The following IL17RA variants were observed in gnomAD, a reference collection of about 807,000 sequenced individuals.
IL17RA encodes interleukin-17 receptor A.
Under a neutral mutation model 50.4 loss-of-function variants are expected in IL17RA, and 34 were observed. That is an observed-to-expected ratio of 0.67 (90% CI 0.51 to 0.90). The LOEUF (loss-of-function observed/expected upper bound fraction) is 0.90. Ranked by LOEUF, IL17RA falls within the 40% of genes least tolerant of loss-of-function variation. The pLI, the probability that IL17RA is intolerant of heterozygous loss-of-function variation, is 0.00. For missense variants in IL17RA, 1,276 were observed against 1,169.8 expected (o/e 1.09, Z -1.32); for synonymous variants, 585 against 510.4 (o/e 1.15, Z -1.97).
rs770597137 is a variant in IL17RA, at chr22:17,108,694, G to A, written c.1475G>A (p.Arg492Lys). ...AMNMILPDFK[R>K]PACFGTYVVC... ...AACATGATCCTCCCGGACTTCAAGA[G>A]GCCAGCCTGCTTCGGCACCTACGTA... The change falls in exon 13 of 13, where the codon AGG becomes AAG. Residue 492 changes from arginine (R) to lysine (K), a missense_variant. Arg to Lys is a conservative substitution (Grantham distance 26). Transcript: ENST00000319363. 7.8e-5 allele frequency: 126 copies of A among 1,609,410 alleles called. No homozygotes were observed. Among genetic ancestry groups the A allele is most frequent in the Non-Finnish European group, 3.3e-5 (39 of 1,179,890 alleles).
In IL17RA at chr22:17,109,221, C is replaced by G; in HGVS notation, c.2002C>G (p.Leu668Val). ...GQPAPQPLHT[L>V]VLAAEEGALV... is the part of the protein sequence containing the mutation. ...GCCAGCGCCGCAGCCCCTCCACACC[C>G]TGGTGCTCGCCGCAGAGGAGGGGGC... The change falls in exon 13 of 13, where the codon CTG becomes GTG. Residue 668 changes from leucine (L) to valine (V), a missense_variant. Coordinates refer to ENST00000319363, the MANE Select transcript of IL17RA (RefSeq NM_014339.7). 6.7e-7 allele frequency: 1 copy of G among 1,497,370 alleles called. No individual in the cohort carries two copies. The highest frequency in any genetic ancestry group is 1.3e-5 in the South Asian group (1 of 76,920). 92.8% of individuals were successfully genotyped at this position (1,497,370 alleles called of 1,614,324 possible). A position where few individuals can be genotyped will look rare whatever the true frequency, so the allele number is the denominator to read the frequency against.
intron 7 of IL17RA, among the ~76,000 whole-genome samples, chr22:17,102,768 T>C (rs974215929): frequency 2.0e-5 from 3 of 151,976 alleles, no homozygotes; most frequent in African/African-American, 7.3e-5. Context: ...ATGGCACCAC[T>C]GCACCCACTC....
intron 5 of IL17RA, 80 bp downstream of exon 5, chr22:17,100,561 C>A: frequency 6.4e-7 from 1 of 1,554,686 alleles, no homozygotes; most frequent in Non-Finnish European, 8.8e-7. Flanking sequence ...ATGCCAGCCC[C>A]CCTGCTCAGC....
At position 17,102,293 on chromosome 22, in the gene IL17RA, C is replaced by T. The variant is rs1297520689; in HGVS notation, c.753C>T (p.His251=). ...ACAGTTGCTTTGAGCACATGCACCA[C>T]ATACCTGCGGTAACTCTGCTCTTTT... ...ENHSCFEHMH[H]IPAPRPEEFH... The change falls in exon 7 of 13, where the codon CAC becomes CAT. Residue 251 remains histidine (H), a synonymous_variant. Coordinates refer to ENST00000319363, the MANE Select transcript of IL17RA (RefSeq NM_014339.7). 5 of 1,614,214 alleles carry T rather than the reference C, an allele frequency of 3.1e-6. No homozygotes were observed. The South Asian group carries it at 4.4e-5, about 14-fold the overall frequency.
At chr22:17,093,355 C>T (rs893855133) in intron 1 of IL17RA, among the ~76,000 whole-genome samples, 3 of 152,004 alleles carry the variant, frequency 2.0e-5, no homozygotes, top group Non-Finnish European at 2.9e-5. Context: ...GATCAGAGCA[C>T]GGAAAGAGAG....
chr22:17,102,049 A>G lies in IL17RA; in HGVS notation c.598+6A>G, dbSNP rs1232428789. The G allele has an allele frequency of 1.2e-6, 2 of 1,614,222 alleles. No individual in the cohort carries two copies. Among genetic ancestry groups the G allele is most frequent in the East Asian group, 4.5e-5 (2 of 44,882 alleles). ...CACGCCATGCATGAGCTCAGGTAAC[A>G]GCTGGCCCGGGAGAGCTTTATTTGG... is the stretch of plus-strand genomic sequence containing the variant. On this transcript the variant is annotated splice_donor_region_variant and intron_variant, in intron 6 of 12. Transcript: ENST00000319363.
Position 17,109,997 on chromosome 22 carries a change from G to A in IL17RA, c.*177G>A, listed in dbSNP as rs1352964592. On this transcript the variant is annotated 3_prime_UTR_variant, in exon 13 of 13. Transcript: ENST00000319363. ...CCCTCCTAACTTTTCTTTGTGCAGC[G>A]GTCTGGTTATCGTCTATCCCCAGGG... 1 of 682,934 alleles carries A rather than the reference G, an allele frequency of 1.5e-6. No individual in the cohort carries two copies. The highest frequency in any genetic ancestry group is 1.9e-5 in the South Asian group (1 of 52,634). 42.3% of individuals were successfully genotyped at this position (682,934 alleles called of 1,614,324 possible).
At chr22:17,087,802 C>G (rs1339949669) in intron 1 of IL17RA, among the ~76,000 whole-genome samples, 1 of 152,360 alleles carries the variant, frequency 6.6e-6, no homozygotes, top group African/African-American at 2.4e-5. Context: ...ATAGGAAAGA[C>G]AGCAGCAACT....
At chr22:17,094,682 T>TCC (rs1159158125) in intron 1 of IL17RA, among the ~76,000 whole-genome samples, 10 of 75,594 alleles carry the variant, frequency 1.3e-4, no homozygotes, top group South Asian at 4.0e-4. Flanking sequence ...TCTCTCTCTC[T>TCC]CTCTCTCTCT....
chr22:17,089,068 T>C (rs1441501584), intron 1 of IL17RA, among the ~76,000 whole-genome samples: 5 of 152,136 alleles, frequency 3.3e-5, no homozygotes, highest in Non-Finnish European at 7.4e-5. Flanking sequence ...AATGCTGGGA[T>C]TACAAGCGTG....
In IL17RA at chr22:17,109,472, G is replaced by A; in HGVS notation, c.2253G>A (p.Leu751=). ...ACGTGAGGGAGCACCTCGAAGGCTT[G>A]ATGCTCTCGCTCTTCGAGCAGAGTC... The part of the protein sequence containing the change: ...PEDVREHLEG[L]MLSLFEQSLS... Residue 751 remains leucine (L), a synonymous_variant, in exon 13 of 13, where the codon TTG becomes TTA. Coordinates refer to ENST00000319363, the MANE Select transcript of IL17RA (RefSeq NM_014339.7). 6.2e-7 allele frequency: 1 copy of A among 1,612,530 alleles called. No homozygotes were observed. The highest frequency in any genetic ancestry group is 1.3e-5 in the African/African-American group (1 of 75,054).
intron 4 of IL17RA, among the ~76,000 whole-genome samples, chr22:17,100,129 C>T (rs2061384594): frequency 1.7e-5 from 2 of 120,244 alleles, no homozygotes; most frequent in Admixed American, 2.1e-4. Context: ...CTGATGAGGC[C>T]AGATCCAGGT....
chr22:17,110,067 T>G lies in IL17RA; in HGVS notation c.*247T>G, dbSNP rs1371497998. On this transcript the variant is annotated 3_prime_UTR_variant, in exon 13 of 13. Coordinates refer to ENST00000319363, the MANE Select transcript of IL17RA (RefSeq NM_014339.7). ...CCAGGAGCTAATGGTAGAGCGTCCT[T>G]GAGGCTCCATTATTCGTTCATTCAG... The G allele has an allele frequency of 1.8e-6, 1 of 558,862 alleles. No homozygotes were observed. Among genetic ancestry groups the G allele is most frequent in the Non-Finnish European group, 3.2e-6 (1 of 312,000 alleles). The allele number at this position is 558,862 out of a possible 1,614,324, so 34.6% of individuals were successfully genotyped here.
intron 1 of IL17RA, among the ~76,000 whole-genome samples, chr22:17,085,950 C>A (rs1459062722): frequency 6.6e-6 from 1 of 152,120 alleles, no homozygotes; most frequent in Non-Finnish European, 1.5e-5. Flanking sequence ...GCAGATGGTT[C>A]TTAAGACGGC....
In IL17RA at chr22:17,094,656, ACTCTCT is replaced by A. The variant is rs1207841287; in HGVS notation, c.139-2375_139-2370del. ...TCTATTCTCATTTAGTCATACACAC[ACTCTCT>A]CTCTCTCTCTCTCTCTCTCTCTCTC... On this transcript the variant is annotated intron_variant, in intron 1 of 12. Coordinates refer to ENST00000319363, the MANE Select transcript of IL17RA (RefSeq NM_014339.7). Among the ~76,000 whole-genome samples, 10 of 29,274 alleles carry A rather than the reference ACTCTCT, an allele frequency of 3.4e-4. No homozygotes were observed. In the East Asian group the frequency reaches 4.3e-3, roughly 13 times the overall value. 19.2% of individuals were successfully genotyped at this position (29,274 alleles called of 152,430 possible).
In IL17RA at chr22:17,115,338, A is replaced by G. The variant is rs1239269491; in HGVS notation, c.*5518A>G. ...AGGACCATTTCACATGTGTCACCTC[A>G]TGTGATTCTCACCACAGCCCTGTGA... On this transcript the variant is annotated 3_prime_UTR_variant, in exon 13 of 13. Coordinates refer to ENST00000319363, the MANE Select transcript of IL17RA (RefSeq NM_014339.7). 6.6e-6 allele frequency: 1 copy of G among 152,246 alleles called. No homozygotes were observed. The highest frequency in any genetic ancestry group is 1.5e-5 in the Non-Finnish European group (1 of 68,034). 9.4% of individuals were successfully genotyped at this position (152,246 alleles called of 1,614,324 possible). A position where few individuals can be genotyped will look rare whatever the true frequency, so the allele number is the denominator to read the frequency against.
Position 17,108,494 on chromosome 22 carries a change from C to T in IL17RA, c.1275C>T (p.Val425=), listed in dbSNP as rs1457635762. Residue 425 remains valine (V), a synonymous_variant, in exon 13 of 13, where the codon GTC becomes GTT. Coordinates refer to ENST00000319363, the MANE Select transcript of IL17RA (RefSeq NM_014339.7). ...LEEQAISEAG[V]MTWVGRQKQE... ...AGCAGGCCATCTCGGAGGCAGGAGT[C>T]ATGACCTGGGTGGGCCGTCAGAAGC... 3.1e-6 allele frequency: 5 copies of T among 1,613,062 alleles called. No individual in the cohort carries two copies. In the Admixed American group the frequency reaches 6.7e-5, roughly 22 times the overall value.
At position 17,108,407 on chromosome 22, in the gene IL17RA, GA is replaced by G; in HGVS notation, c.1191del (p.Lys397AsnfsTer30). 1 of 1,614,050 alleles carries G rather than the reference GA, an allele frequency of 6.2e-7. No homozygotes were observed. The highest frequency in any genetic ancestry group is 8.5e-7 in the Non-Finnish European group (1 of 1,180,014). ...ACCCCCTCTACGTGGACGTGGTCCT[GA>G]AATTCGCCCAGTTCCTGCTCACCGC... ...DHPLYVDVVLKFAQFLLTACG... is the reference protein window; with the variant it reads ...DHPLYVDVVLXFAQFLLTACG... On this transcript the variant is annotated frameshift_variant, in exon 13 of 13. Coordinates refer to ENST00000319363, the MANE Select transcript of IL17RA (RefSeq NM_014339.7). LOFTEE classifies it low-confidence loss of function (END_TRUNC).
At chr22:17,105,826 TCAC>T (rs763812239) in intron 10 of IL17RA, 24 bp from the exon 11 acceptor site, 2 of 391,666 alleles carry the variant, frequency 5.1e-6, no homozygotes, top group Non-Finnish European at 6.8e-6. Flanking sequence ...CCCCGCCGCA[TCAC>T]TCACGCTGTT....
Sources: allele counts gnomAD v4.1 joint callset (sites outside exome capture counted in the v4.1 genomes callset), GRCh38; gene constraint gnomAD v4.1.1; transcripts MANE v1.5; gene names NCBI Gene and HGNC (gene_info 2026-07-23, HGNC 2026-07-21).